SSBP3: variants seen among roughly 807,000 people sequenced by gnomAD.
The protein encoded by SSBP3 is single stranded DNA binding protein 3.
In SSBP3, 5 loss-of-function variants were observed where a neutral mutation model predicts 69.6. The ratio of observed to expected loss-of-function variants is 0.07; its 90% CI spans 0.04 to 0.15. SSBP3 has a LOEUF of 0.15. SSBP3 is among the 10% of genes least tolerant of loss of function. The pLI, the probability that SSBP3 is intolerant of heterozygous loss-of-function variation, is 1.00. For missense variants in SSBP3, 312 were observed against 534.0 expected, an observed-to-expected ratio of 0.58 and a Z score of 4.10; for synonymous variants, 196 against 193.4, an observed-to-expected ratio of 1.01 and a Z score of -0.11.
In SSBP3 at chr1:54,384,209, G is replaced by A. The variant is rs186244857; in HGVS notation, c.276+17652C>T. On this transcript the variant is annotated intron_variant, in intron 4 of 17. Transcript: ENST00000610401. ...GTCAAAAGGCTGGGTTAACTGAACA[G>A]AGAGCATTTTCCCACACACCTCTGA... is the stretch of plus-strand genomic sequence containing the variant. 4.0e-3 allele frequency among the ~76,000 whole-genome samples: 608 copies of A among 152,068 alleles called. 5 individuals carry two copies. Among genetic ancestry groups the A allele is most frequent in the African/African-American group, 0.014 (579 of 41,516 alleles).
At chr1:54,305,634 AG>A (rs59243394) in intron 4 of SSBP3, among the ~76,000 whole-genome samples, 18,809 of 144,954 alleles carry the variant, frequency 0.13, 1,948 homozygotes, top group African/African-American at 0.29. Flanking sequence ...AAAAAAAAAA[AG>A]AGAGAGAGAG....
intron 4 of SSBP3, among the ~76,000 whole-genome samples, chr1:54,374,572 A>G (rs1426968588): frequency 6.6e-6 from 1 of 152,214 alleles, no homozygotes; most frequent in Non-Finnish European, 1.5e-5. Context: ...ATGGATGCTT[A>G]CATTATCCCC....
In SSBP3 at chr1:54,376,791, C is replaced by T. The variant is rs78449805; in HGVS notation, c.276+25070G>A. On this transcript the variant is annotated intron_variant, in intron 4 of 17. Transcript: ENST00000610401. Reference sequence around the variant, plus strand: ...TACAAACGGCGATGCAAATCTGTCCCGACAACCTGGGCACCCTTGACAGAC... The same window carrying T: ...TACAAACGGCGATGCAAATCTGTCCTGACAACCTGGGCACCCTTGACAGAC... Among the ~76,000 whole-genome samples the T allele has an allele frequency of 3.2e-3, 489 of 152,274 alleles. 14 individuals carry two copies. In the East Asian group the frequency reaches 0.085, roughly 27 times the overall value.
intron 15 of SSBP3, 131 bp from the exon 16 acceptor site, chr1:54,228,608 C>G: frequency 9.5e-6 from 14 of 1,472,084 alleles, no homozygotes; most frequent in Non-Finnish European, 1.3e-5. Context: ...GCTTTCTGTG[C>G]GGCATCCCTC....
intron 5 of SSBP3, among the ~76,000 whole-genome samples, chr1:54,271,841 C>T (rs893521479): frequency 1.3e-5 from 2 of 152,148 alleles, no homozygotes; most frequent in Non-Finnish European, 2.9e-5. Flanking sequence ...GTGATTTCAG[C>T]TCACTGCAAC....
intron 5 of SSBP3, among the ~76,000 whole-genome samples, chr1:54,278,738 G>A (rs775919720): frequency 4.0e-4 from 61 of 152,322 alleles, no homozygotes; most frequent in Middle Eastern, 3.4e-3. Flanking sequence ...ATCCCAAGCC[G>A]ACTCCCTGGT....
intron 4 of SSBP3, among the ~76,000 whole-genome samples, chr1:54,373,109 C>T (rs1647162587): frequency 6.6e-6 from 1 of 152,196 alleles, no homozygotes; most frequent in South Asian, 2.1e-4. Context: ...AACCTCCTGG[C>T]ACAGACACTC....
chr1:54,356,297 C>T (rs1273294789), intron 4 of SSBP3: 1 of 152,216 alleles, frequency 6.6e-6, no homozygotes, highest in East Asian at 1.9e-4. Context: ...GGGTGAAAGT[C>T]CACAGTTGAA....
At chr1:54,242,103 C>A (rs1644649484) in intron 11 of SSBP3, 61 bp downstream of exon 11, 2 of 1,585,474 alleles carry the variant, frequency 1.3e-6, no homozygotes, top group South Asian at 2.2e-5. Context: ...GGGACAGTAG[C>A]TCCCCTGCAC....
intron 14 of SSBP3, chr1:54,238,020 C>CA: frequency 2.5e-6 from 1 of 394,966 alleles, no homozygotes. Context: ...CAACCTTCTG[C>CA]ATCACTGACA....
At chr1:54,373,934 A>G (rs1324226560) in intron 4 of SSBP3, among the ~76,000 whole-genome samples, 2 of 152,114 alleles carry the variant, frequency 1.3e-5, no homozygotes, top group Admixed American at 1.3e-4. Context: ...CGTCTGGACC[A>G]CCAGAGCTGC....
In SSBP3 at chr1:54,322,221, A is replaced by T. The variant is rs534072681; in HGVS notation, c.277-40694T>A. Among the ~76,000 whole-genome samples, 5 of 152,348 alleles carry T rather than the reference A, an allele frequency of 3.3e-5. No homozygotes were observed. In the East Asian group the frequency reaches 9.6e-4, roughly 29 times the overall value. ...GACCAGGCAGGAGAAAGGAAGACAC[A>T]GAATCAGGCAGTAAACAGGGCTGAC... is the stretch of plus-strand genomic sequence containing the variant. On this transcript the variant is annotated intron_variant, in intron 4 of 17. Coordinates refer to ENST00000610401, the Ensembl canonical transcript of SSBP3.
chr1:54,397,504 G>A lies in SSBP3; in HGVS notation c.276+4357C>T, dbSNP rs144582762. ...CTCCTCAAGGCAAAGTCTCCCCTCTGCTGAGGGAGGAGTCAGCAGTCTTGT... is the reference window on the plus strand; with the variant it reads ...CTCCTCAAGGCAAAGTCTCCCCTCTACTGAGGGAGGAGTCAGCAGTCTTGT... On this transcript the variant is annotated intron_variant, in intron 4 of 17. Coordinates refer to ENST00000610401, the Ensembl canonical transcript of SSBP3. Among the ~76,000 whole-genome samples, 138 of 152,276 alleles carry A rather than the reference G, an allele frequency of 9.1e-4. 2 individuals are homozygous for A. The East Asian group carries it at 0.025, about 27-fold the overall frequency.
intron 5 of SSBP3, among the ~76,000 whole-genome samples, chr1:54,265,316 G>T (rs1260617537): frequency 3.9e-5 from 6 of 152,212 alleles, no homozygotes; most frequent in Non-Finnish European, 7.3e-5. Flanking sequence ...GTGTGGGTGT[G>T]TGTGTGTTAT....
intron 4 of SSBP3, among the ~76,000 whole-genome samples, chr1:54,398,998 T>A (rs1277316505): frequency 6.6e-6 from 1 of 152,216 alleles, no homozygotes; most frequent in Non-Finnish European, 1.5e-5. Context: ...AACTAGTTAA[T>A]TGACTTCAAA....
At chr1:54,295,319 G>GT (rs1214547243) in intron 4 of SSBP3, among the ~76,000 whole-genome samples, 30 of 152,278 alleles carry the variant, frequency 2.0e-4, no homozygotes, top group Non-Finnish European at 4.4e-5. Context: ...CCCGGTCCAT[G>GT]TATCTACCTA....
chr1:54,305,846 C>T (rs893106666), intron 4 of SSBP3, among the ~76,000 whole-genome samples: 1 of 148,960 alleles, frequency 6.7e-6, no homozygotes, highest in African/African-American at 2.5e-5. Context: ...TATTATCTTG[C>T]TTTCTATCTA....
At chr1:54,357,129 C>T (rs944415629) in intron 4 of SSBP3, among the ~76,000 whole-genome samples, 1 of 152,034 alleles carries the variant, frequency 6.6e-6, no homozygotes, top group Non-Finnish European at 1.5e-5. Context: ...TCTGAGTCCC[C>T]AGTGAGAGGA....
intron 4 of SSBP3, among the ~76,000 whole-genome samples, chr1:54,305,083 G>C (rs577947984): frequency 4.5e-4 from 68 of 152,330 alleles, no homozygotes; most frequent in African/African-American, 1.6e-3. Context: ...ATGTATGCCT[G>C]GCGGGAGGCG....
Sources: allele counts gnomAD v4.1 joint callset (sites outside exome capture counted in the v4.1 genomes callset), GRCh38; gene constraint gnomAD v4.1.1; transcripts MANE v1.5; gene names NCBI Gene and HGNC (gene_info 2026-07-23, HGNC 2026-07-21).